Variants in ERLIN1 observed in about 807,000 individuals in gnomAD.
ERLIN1 encodes the protein erlin-1.
In ERLIN1, 24 loss-of-function variants were observed where a neutral mutation model predicts 46.9. That is an observed-to-expected ratio of 0.51 (90% CI 0.37 to 0.72). ERLIN1 has a LOEUF of 0.72. Ranked by LOEUF, ERLIN1 falls within the 30% of genes least tolerant of loss-of-function variation. ERLIN1 has a pLI of 0.00. For missense variants in ERLIN1, 293 were observed against 417.9 expected, an observed-to-expected ratio of 0.70 and a Z score of 2.61; for synonymous variants, 158 against 143.2, an observed-to-expected ratio of 1.10 and a Z score of -0.74.
chr10:100,165,795 G>A (rs1031446125), intron 7 of ERLIN1, among the ~76,000 whole-genome samples: 18 of 152,044 alleles, frequency 1.2e-4, no homozygotes, highest in Admixed American at 9.8e-4. Flanking sequence ...GCGTGGTCTC[G>A]GCTCACTGCA....
rs59002242 is a variant in ERLIN1 at position 100,167,368 on chromosome 10, T to G, written c.543A>C (p.Ile181=). Reference sequence around the variant, plus strand: ...CTCACATTAACTCAAAATTTCTTCTTATGGCTTCTGGGATTTTGGGTTTTG... The same window carrying G: ...CTCACATTAACTCAAAATTTCTTCTGATGGCTTCTGGGATTTTGGGTTTTG... The part of the protein sequence containing the change: ...RVTKPKIPEA[I]RRNFELMEAE... The change falls in exon 7 of 11, where the codon ATA becomes ATC. Residue 181 remains isoleucine (I), a synonymous_variant. Coordinates refer to ENST00000421367, the MANE Select transcript of ERLIN1 (RefSeq NM_006459.4). 1 of 1,613,592 alleles carries G rather than the reference T, an allele frequency of 6.2e-7. No individual in the cohort carries two copies. The highest frequency in any genetic ancestry group is 1.3e-5 in the African/African-American group (1 of 75,030).
At position 100,186,016 on chromosome 10, in the gene ERLIN1, C is replaced by T; in HGVS notation, c.-390G>A. The T allele has an allele frequency of 2.4e-6, 1 of 419,514 alleles. No homozygotes were observed. The highest frequency in any genetic ancestry group is 4.2e-6 in the Non-Finnish European group (1 of 239,042). 26.0% of individuals were successfully genotyped at this position (419,514 alleles called of 1,614,324 possible). ...CGTGCAGCCGACTCCCGCGCCGAGC[C>T]AACCGCCGCCAACAGCCGGCCCCGC... On this transcript the variant is annotated 5_prime_UTR_variant, in exon 1 of 11. Coordinates refer to ENST00000421367, the MANE Select transcript of ERLIN1 (RefSeq NM_006459.4).
intron 8 of ERLIN1, among the ~76,000 whole-genome samples, chr10:100,159,039 G>C (rs1370505231): frequency 6.6e-6 from 1 of 152,106 alleles, no homozygotes; most frequent in Non-Finnish European, 1.5e-5. Flanking sequence ...GCTATATGCT[G>C]TTTACAAGAG....
intron 2 of ERLIN1, 128 bp from the exon 3 acceptor site, chr10:100,179,375 C>A: frequency 1.7e-6 from 1 of 601,062 alleles, no homozygotes. Flanking sequence ...ATTTCAGTTC[C>A]CAAAGATTAG....
At chr10:100,158,905 T>C (rs139125303) in intron 8 of ERLIN1, among the ~76,000 whole-genome samples, 37 of 152,122 alleles carry the variant, frequency 2.4e-4, no homozygotes, top group Non-Finnish European at 3.1e-4. Flanking sequence ...AAATGCATGG[T>C]AAATAGCACA....
intron 7 of ERLIN1, among the ~76,000 whole-genome samples, chr10:100,167,076 A>C (rs1347676358): frequency 6.6e-6 from 1 of 152,232 alleles, no homozygotes; most frequent in Admixed American, 6.5e-5. Context: ...ATAAAATTAT[A>C]GCTCCTTAAG....
chr10:100,165,019 A>T (rs1421602422), intron 7 of ERLIN1, among the ~76,000 whole-genome samples: 1 of 152,184 alleles, frequency 6.6e-6, no homozygotes, highest in Admixed American at 6.5e-5. Context: ...TTCTGGTCCC[A>T]AGCATTTCGG....
At chr10:100,165,982 T>A (rs1359513881) in intron 7 of ERLIN1, among the ~76,000 whole-genome samples, 5 of 152,208 alleles carry the variant, frequency 3.3e-5, no homozygotes, top group Non-Finnish European at 7.3e-5. Context: ...GGCCTCAGCC[T>A]CCTGAAGTGC....
rs576846287 is a variant in ERLIN1 at position 100,159,486 on chromosome 10, C to T, written c.656-3252G>A. On this transcript the variant is annotated intron_variant, in intron 8 of 10. Transcript: ENST00000421367. ...AACACAGATTCAATCTTTTCAAGCA[C>T]ACAGACATTTACAAAAAAGGACCGT... Among the ~76,000 whole-genome samples the T allele has an allele frequency of 4.6e-5, 7 of 152,246 alleles. 1 individual carries two copies. In the South Asian group the frequency reaches 1.4e-3, roughly 32 times the overall value.
At chr10:100,176,991 A>G (rs764395297) in intron 4 of ERLIN1, among the ~76,000 whole-genome samples, 3 of 152,068 alleles carry the variant, frequency 2.0e-5, no homozygotes, top group Non-Finnish European at 4.4e-5. Context: ...GTGTGGAGGC[A>G]TACACCTGTA....
At chr10:100,183,137 G>A (rs1022170121) in intron 2 of ERLIN1, among the ~76,000 whole-genome samples, 4 of 152,206 alleles carry the variant, frequency 2.6e-5, no homozygotes, top group African/African-American at 4.8e-5. Flanking sequence ...CTGGGCTTGC[G>A]AAAGTGGTCA....
intron 10 of ERLIN1, among the ~76,000 whole-genome samples, 170 bp from the exon 11 acceptor site, chr10:100,152,522 G>A (rs918692328): frequency 6.6e-6 from 1 of 152,160 alleles, no homozygotes; most frequent in African/African-American, 2.4e-5. Context: ...TAACAGCTGC[G>A]TTCCTGACTT....
At chr10:100,181,805 C>T (rs992447545) in intron 2 of ERLIN1, among the ~76,000 whole-genome samples, 23 of 152,138 alleles carry the variant, frequency 1.5e-4, no homozygotes, top group African/African-American at 5.6e-4. Context: ...TGAGCCGCCA[C>T]GCCCGGCCAA....
Position 100,185,685 on chromosome 10 carries a change from C to T in ERLIN1, c.-59G>A. On this transcript the variant is annotated 5_prime_UTR_variant, in exon 1 of 11. It adds an upstream start codon to the 5' untranslated region. Transcript: ENST00000421367. ...CTCAGTCCCGTGAGTGACAGGTCCA[C>T]CCCCTCCAGTTTCTACCCTCTCCCT... 9 of 1,395,002 alleles carry T rather than the reference C, an allele frequency of 6.5e-6. No homozygotes were observed. The highest frequency in any genetic ancestry group is 9.2e-6 in the Non-Finnish European group (9 of 983,072). 86.4% of individuals were successfully genotyped at this position (1,395,002 alleles called of 1,614,324 possible). A position where few individuals can be genotyped will look rare whatever the true frequency, so the allele number is the denominator to read the frequency against.
rs17112714 is a variant in ERLIN1 at position 100,179,115 on chromosome 10, T to C, written c.242+86A>G. The C allele has an allele frequency of 0.012, 12,291 of 1,035,832 alleles. 956 individuals carry two copies. In the African/African-American group the frequency reaches 0.17, roughly 14 times the overall value. 64.2% of individuals were successfully genotyped at this position (1,035,832 alleles called of 1,614,324 possible). ...CCCTTGGGTTAACTATCATGCCTAT[T>C]TGAGATATGTCTAAGTGATCATAGC... On this transcript the variant is annotated intron_variant, in intron 3 of 10. Transcript: ENST00000421367.
chr10:100,168,783 G>A (rs1200341528), intron 6 of ERLIN1, among the ~76,000 whole-genome samples: 2 of 151,622 alleles, frequency 1.3e-5, no homozygotes, highest in African/African-American at 4.9e-5. Flanking sequence ...AGGTTCAAGC[G>A]ATTCTTCTGC....
rs1056296498 is a variant in ERLIN1 at position 100,155,344 on chromosome 10, G to C, written c.746-405C>G. Among the ~76,000 whole-genome samples the C allele has an allele frequency of 2.1e-4, 32 of 152,036 alleles. 1 individual carries two copies. The highest frequency in any genetic ancestry group is 7.7e-4 in the African/African-American group (32 of 41,450). ...AGTCAACAGAGACAGACAGGAAGCAGCAATATATAACAAGTGACTTCAAGA... is the reference window on the plus strand; with the variant it reads ...AGTCAACAGAGACAGACAGGAAGCACCAATATATAACAAGTGACTTCAAGA... On this transcript the variant is annotated intron_variant, in intron 9 of 10. Coordinates refer to ENST00000421367, the MANE Select transcript of ERLIN1 (RefSeq NM_006459.4).
intron 3 of ERLIN1, among the ~76,000 whole-genome samples, chr10:100,178,772 G>A (rs1844462023): frequency 1.3e-5 from 2 of 152,170 alleles, no homozygotes; most frequent in African/African-American, 4.8e-5. Context: ...ACTCTGCAAG[G>A]TAGATTTTAC....
chr10:100,160,549 C>T (rs1446660510), intron 8 of ERLIN1, among the ~76,000 whole-genome samples: 1 of 152,136 alleles, frequency 6.6e-6, no homozygotes, highest in Non-Finnish European at 1.5e-5. Flanking sequence ...TATATAATGA[C>T]CTATATAATG....
Sources: gnomAD v4.1 joint callset for allele counts (sites outside exome capture counted in the v4.1 genomes callset) on GRCh38, gnomAD v4.1.1 for gene constraint, MANE v1.5 for transcripts, NCBI Gene and HGNC (gene_info 2026-07-23, HGNC 2026-07-21) for gene names.